ZNF90: variants seen among roughly 807,000 people sequenced by gnomAD.
ZNF90 encodes zinc finger protein HTF9.
ZNF90 carries 11 observed loss-of-function variants against 12.0 expected under a neutral mutation model. The observed-to-expected ratio is 0.92, with a 90% CI of 0.58 to 1.52. The LOEUF is 1.52. ZNF90 is among the 40% of genes most tolerant of loss of function. The pLI, the probability that ZNF90 is intolerant of heterozygous loss-of-function variation, is 0.00. For synonymous variants in ZNF90, 232 were observed against 240.1 expected (o/e 0.97, Z 0.31); for missense variants, 765 against 711.5 (o/e 1.08, Z -0.86).
chr19:20,111,566 T>A (rs1198627319), intron 3 of ZNF90, among the ~76,000 whole-genome samples: 1 of 152,194 alleles, frequency 6.6e-6, no homozygotes, highest in Non-Finnish European at 1.5e-5. Flanking sequence ...TTACCAGTTA[T>A]ATAATTATTG....
At chr19:20,085,960 T>C (rs1477983758) in intron 1 of ZNF90, among the ~76,000 whole-genome samples, 1 of 152,162 alleles carries the variant, frequency 6.6e-6, no homozygotes, top group Non-Finnish European at 1.5e-5. Flanking sequence ...TACAGAAGCT[T>C]AGCACAAAGA....
intron 3 of ZNF90, among the ~76,000 whole-genome samples, chr19:20,107,531 A>G (rs1341456202): frequency 6.6e-6 from 1 of 152,204 alleles, no homozygotes; most frequent in Non-Finnish European, 1.5e-5. Flanking sequence ...TGCAGGTCTC[A>G]AAATCCTGGC....
At chr19:20,081,061 C>T (rs1371206433) in intron 1 of ZNF90, among the ~76,000 whole-genome samples, 1 of 152,056 alleles carries the variant, frequency 6.6e-6, no homozygotes, top group Non-Finnish European at 1.5e-5. Flanking sequence ...GCTCTGATGA[C>T]AGACACCCCC....
chr19:20,118,392 A>C lies in ZNF90; in HGVS notation c.838A>C (p.Thr280Pro). 6.2e-7 allele frequency: 1 copy of C among 1,606,138 alleles called. No homozygotes were observed. Among genetic ancestry groups the C allele is most frequent in the South Asian group, 1.1e-5 (1 of 90,178 alleles). The change falls in exon 4 of 4, where the codon ACT (threonine) becomes CCT (proline). Residue 280 changes from threonine to proline, a missense_variant. Physicochemically the swap from Thr to Pro is conservative, Grantham distance 38. Coordinates refer to ENST00000418063, the MANE Select transcript of ZNF90 (RefSeq NM_007138.2). ...CCTTACTGCACATAAGAGAATTCAT[A>C]CTGGAGAGAAACCCTACAAGTGTGA... ...STLTAHKRIH[T>P]GEKPYKCDKC...
chr19:20,100,766 T>C (rs531236673), intron 1 of ZNF90, among the ~76,000 whole-genome samples: 3 of 152,324 alleles, frequency 2.0e-5, no homozygotes, highest in Admixed American at 6.5e-5. Flanking sequence ...GGAAGGTGAC[T>C]GCACCTGCCT....
chr19:20,118,367 C>G lies in ZNF90; in HGVS notation c.813C>G (p.Thr271=). ...GCAAAGAATTAAAGTATTCCTCTAC[C>G]CTTACTGCACATAAGAGAATTCATA... is the stretch of plus-strand genomic sequence containing the variant. ...DCGKELKYSS[T]LTAHKRIHTG... is the part of the protein sequence containing the mutation. The change falls in exon 4 of 4, where the codon ACC becomes ACG. Residue 271 remains threonine, a synonymous_variant. Coordinates refer to ENST00000418063, the MANE Select transcript of ZNF90 (RefSeq NM_007138.2). 1 of 1,581,048 alleles carries G rather than the reference C, an allele frequency of 6.3e-7. No individual in the cohort carries two copies. Among genetic ancestry groups the G allele is most frequent in the East Asian group, 2.3e-5 (1 of 43,158 alleles).
chr19:20,082,677 A>G (rs2088829127), intron 1 of ZNF90, among the ~76,000 whole-genome samples: 1 of 152,198 alleles, frequency 6.6e-6, no homozygotes, highest in Non-Finnish European at 1.5e-5. Flanking sequence ...GGTATTGTGC[A>G]AGGTTTTTCC....
intron 1 of ZNF90, among the ~76,000 whole-genome samples, chr19:20,103,817 C>G (rs2089008574): frequency 6.6e-6 from 1 of 150,842 alleles, no homozygotes; most frequent in Non-Finnish European, 1.5e-5. Flanking sequence ...TTCAGATCTT[C>G]TGGAAAAAAA....
At chr19:20,101,938 C>A (rs1555703943) in intron 1 of ZNF90, among the ~76,000 whole-genome samples, 1 of 152,162 alleles carries the variant, frequency 6.6e-6, no homozygotes, top group Admixed American at 6.5e-5. Flanking sequence ...AGTCAAGGGT[C>A]TCTGAAAAAT....
intron 1 of ZNF90, among the ~76,000 whole-genome samples, chr19:20,096,019 G>A (rs917551757): frequency 2.0e-5 from 3 of 152,286 alleles, no homozygotes; most frequent in East Asian, 3.9e-4. Context: ...GACCGGTGCC[G>A]GAGTTTTGGG....
chr19:20,102,583 T>A (rs1415899678), intron 1 of ZNF90, among the ~76,000 whole-genome samples: 3 of 152,198 alleles, frequency 2.0e-5, no homozygotes, highest in African/African-American at 7.2e-5. Flanking sequence ...GCTGAGATGT[T>A]CTCTTTTTGA....
Position 20,105,333 on chromosome 19 carries a change from A to G in ZNF90, c.226+17A>G, listed in dbSNP as rs782111816. On this transcript the variant is annotated intron_variant, in intron 3 of 3. Coordinates refer to ENST00000418063, the MANE Select transcript of ZNF90 (RefSeq NM_007138.2). ...AATCCCCAGGTAGGTGCGAGTGAAAATGAATACAACAGACAACACAGATAA... is the reference window on the plus strand; with the variant it reads ...AATCCCCAGGTAGGTGCGAGTGAAAGTGAATACAACAGACAACACAGATAA... 9 of 1,593,096 alleles carry G rather than the reference A, an allele frequency of 5.6e-6. No homozygotes were observed. The South Asian group carries it at 1.0e-4, about 18-fold the overall frequency.
intron 1 of ZNF90, among the ~76,000 whole-genome samples, chr19:20,086,240 T>C (rs540826581): frequency 6.2e-5 from 9 of 145,202 alleles, no homozygotes; most frequent in African/African-American, 1.0e-4. Context: ...TTCTTTTTTT[T>C]TTTTTTTTTT....
At chr19:20,117,620 G>A (rs1034279531) in intron 3 of ZNF90, 161 bp from the exon 4 acceptor site, 149 of 984,822 alleles carry the variant, frequency 1.5e-4, no homozygotes, top group Non-Finnish European at 1.7e-4. Context: ...AATGTAACCT[G>A]TATTTATCAG....
intron 1 of ZNF90, among the ~76,000 whole-genome samples, chr19:20,090,792 C>G (rs1252160659): frequency 1.3e-5 from 2 of 152,152 alleles, no homozygotes; most frequent in African/African-American, 4.8e-5. Context: ...GGACTGTACC[C>G]TGTAGCATCT....
chr19:20,106,815 A>T, intron 3 of ZNF90: 1 of 444,990 alleles, frequency 2.2e-6, no homozygotes, highest in South Asian at 1.6e-5. Flanking sequence ...GTGTGATGAG[A>T]TGCCCTCTGA....
intron 1 of ZNF90, among the ~76,000 whole-genome samples, chr19:20,096,261 C>T (rs193000827): frequency 6.6e-6 from 1 of 152,284 alleles, no homozygotes; most frequent in African/African-American, 2.4e-5. Context: ...GAATCTTTCT[C>T]ATGGAGCAAA....
intron 1 of ZNF90, chr19:20,087,419 A>C (rs146461415): frequency 1.8e-4 from 27 of 152,362 alleles, no homozygotes; most frequent in African/African-American, 6.3e-4. Flanking sequence ...AGCTATCTCT[A>C]TCTGGACTCA....
At chr19:20,094,402 G>A (rs548574694) in intron 1 of ZNF90, among the ~76,000 whole-genome samples, 101 of 152,308 alleles carry the variant, frequency 6.6e-4, no homozygotes, top group South Asian at 2.3e-3. Context: ...GGTCTAGGGC[G>A]GTAAAGCGTC....
Sources: allele counts gnomAD v4.1 joint callset (sites outside exome capture counted in the v4.1 genomes callset), GRCh38; gene constraint gnomAD v4.1.1; transcripts MANE v1.5; gene names NCBI Gene and HGNC (gene_info 2026-07-23, HGNC 2026-07-21).